Variants in TAFA1 observed in about 807,000 individuals in gnomAD.
TAFA1 encodes the protein chemokine-like protein TAFA-1.
TAFA1 carries 4 observed loss-of-function variants against 18.5 expected under a neutral mutation model. The observed-to-expected ratio is 0.22, with a 90% CI of 0.11 to 0.49. The LOEUF is 0.49. Ranked by LOEUF, TAFA1 falls within the 20% of genes least tolerant of loss-of-function variation. The pLI is 0.98. For missense variants in TAFA1, 147 were observed against 169.0 expected (o/e 0.87, Z 0.72); for synonymous variants, 56 against 55.2 (o/e 1.01, Z -0.06).
intron 2 of TAFA1, among the ~76,000 whole-genome samples, chr3:68,184,713 C>T (rs1236647805): frequency 6.6e-6 from 1 of 152,114 alleles, no homozygotes; most frequent in Non-Finnish European, 1.5e-5. Context: ...TAACTACTCA[C>T]TCATGTGAAA....
chr3:68,074,076 G>A (rs1017015740), intron 2 of TAFA1, among the ~76,000 whole-genome samples: 9 of 152,126 alleles, frequency 5.9e-5, no homozygotes, highest in African/African-American at 1.9e-4. Flanking sequence ...TCCCATCTGC[G>A]GGTGATGGGA....
At chr3:68,162,615 A>T (rs887255576) in intron 2 of TAFA1, among the ~76,000 whole-genome samples, 1 of 152,096 alleles carries the variant, frequency 6.6e-6, no homozygotes, top group Non-Finnish European at 1.5e-5. Context: ...TCCTTCCCCT[A>T]TGGCTCAATA....
intron 2 of TAFA1, among the ~76,000 whole-genome samples, chr3:68,258,180 G>C (rs1054980048): frequency 3.3e-5 from 5 of 152,158 alleles, no homozygotes; most frequent in African/African-American, 1.2e-4. Context: ...AATGTGCTGT[G>C]GTTATATAAG....
At chr3:68,394,278 A>T (rs1045356989) in intron 2 of TAFA1, among the ~76,000 whole-genome samples, 1 of 152,184 alleles carries the variant, frequency 6.6e-6, no homozygotes, top group African/African-American at 2.4e-5. Context: ...AGAACTACAA[A>T]CCACTGCTCA....
chr3:68,269,243 C>T (rs910317070), intron 2 of TAFA1, among the ~76,000 whole-genome samples: 5 of 152,072 alleles, frequency 3.3e-5, no homozygotes, highest in South Asian at 4.1e-4. Context: ...TGCTTGAGGC[C>T]GGGAGTTTGA....
intron 2 of TAFA1, among the ~76,000 whole-genome samples, chr3:68,101,259 A>G (rs919832918): frequency 6.6e-6 from 1 of 151,242 alleles, no homozygotes; most frequent in African/African-American, 2.4e-5. Flanking sequence ...TGAAGGTGTG[A>G]TTTCTTTTTT....
chr3:68,147,968 T>C (rs1575645310), intron 2 of TAFA1, among the ~76,000 whole-genome samples: 2 of 152,324 alleles, frequency 1.3e-5, no homozygotes, highest in East Asian at 3.9e-4. Flanking sequence ...GAGAAATAAA[T>C]CAATTATTTG....
intron 2 of TAFA1, among the ~76,000 whole-genome samples, chr3:68,109,625 AC>A (rs2065242350): frequency 6.6e-6 from 1 of 152,176 alleles, no homozygotes; most frequent in South Asian, 2.1e-4. Context: ...AAACTGCATG[AC>A]CAAGAGGAGG....
At chr3:68,456,211 C>G (rs1185426427) in intron 3 of TAFA1, among the ~76,000 whole-genome samples, 3 of 152,116 alleles carry the variant, frequency 2.0e-5, no homozygotes, top group Non-Finnish European at 2.9e-5. Context: ...TTTATCTTTT[C>G]CCTTCAAGAC....
intron 2 of TAFA1, among the ~76,000 whole-genome samples, chr3:68,123,987 G>A (rs956469925): frequency 7.0e-6 from 1 of 143,504 alleles, no homozygotes; most frequent in Admixed American, 7.1e-5. Context: ...TTTTAAAAAA[G>A]CTTCCTCAGG....
intron 2 of TAFA1, among the ~76,000 whole-genome samples, chr3:68,179,778 A>T (rs1375361543): frequency 1.3e-5 from 2 of 152,032 alleles, no homozygotes; most frequent in Non-Finnish European, 2.9e-5. Context: ...TGAAGTAGAA[A>T]ATAGTTTCTT....
At chr3:68,237,378 A>T (rs1383509161) in intron 2 of TAFA1, among the ~76,000 whole-genome samples, 2 of 152,304 alleles carry the variant, frequency 1.3e-5, no homozygotes, top group Non-Finnish European at 2.9e-5. Flanking sequence ...GGAAGTTAGG[A>T]TTTCAACATA....
At chr3:68,043,045 C>G (rs752905414) in intron 2 of TAFA1, among the ~76,000 whole-genome samples, 1 of 152,140 alleles carries the variant, frequency 6.6e-6, no homozygotes, top group East Asian at 1.9e-4. Context: ...CCACCATGCT[C>G]GGCTAATTTT....
intron 2 of TAFA1, among the ~76,000 whole-genome samples, chr3:68,323,400 A>T (rs2068723890): frequency 1.3e-5 from 2 of 152,244 alleles, no homozygotes; most frequent in African/African-American, 4.8e-5. Context: ...AATGTAAAGG[A>T]AAGCTGAAGG....
At chr3:68,231,804 A>G (rs1025814647) in intron 2 of TAFA1, among the ~76,000 whole-genome samples, 1 of 152,178 alleles carries the variant, frequency 6.6e-6, no homozygotes, top group African/African-American at 2.4e-5. Flanking sequence ...GGGCCTTTCC[A>G]TCATCCCAGA....
At chr3:68,466,913 C>G (rs1401466757) in intron 3 of TAFA1, among the ~76,000 whole-genome samples, 1 of 152,112 alleles carries the variant, frequency 6.6e-6, no homozygotes, top group Non-Finnish European at 1.5e-5. Flanking sequence ...TTCCGTGATG[C>G]CCCATGAGCA....
intron 2 of TAFA1, among the ~76,000 whole-genome samples, chr3:68,015,773 T>C (rs1009759276): frequency 2.6e-5 from 4 of 152,206 alleles, no homozygotes; most frequent in African/African-American, 9.7e-5. Context: ...GATTCTCTTT[T>C]GAGAAAATGA....
intron 2 of TAFA1, among the ~76,000 whole-genome samples, chr3:68,107,506 A>G (rs2065216669): frequency 6.6e-6 from 1 of 152,128 alleles, no homozygotes; most frequent in South Asian, 2.1e-4. Context: ...CTTTCCTTTA[A>G]AAATAAAAGC....
chr3:68,286,617 C>G (rs1309213975), intron 2 of TAFA1, among the ~76,000 whole-genome samples: 1 of 152,134 alleles, frequency 6.6e-6, no homozygotes, highest in East Asian at 1.9e-4. Flanking sequence ...ATTGCAAAAA[C>G]CATCTCTTGA....
Sources: allele counts gnomAD v4.1 joint callset (sites outside exome capture counted in the v4.1 genomes callset), GRCh38; gene constraint gnomAD v4.1.1; transcripts MANE v1.5; gene names NCBI Gene and HGNC (gene_info 2026-07-23, HGNC 2026-07-21).